ZNF385D: variants seen among roughly 807,000 people sequenced by gnomAD.
The protein encoded by ZNF385D is zinc finger protein 385D, also known as zinc finger protein 659.
ZNF385D carries 15 observed loss-of-function variants against 35.8 expected under a neutral mutation model. That is an observed-to-expected ratio of 0.42 (90% CI 0.28 to 0.64). ZNF385D has a LOEUF of 0.64. Ranked by LOEUF, ZNF385D falls within the 30% of genes least tolerant of loss-of-function variation. The pLI is 0.23. For missense variants in ZNF385D, 474 were observed against 494.6 expected (o/e 0.96, Z 0.39); for synonymous variants, 212 against 186.8 (o/e 1.13, Z -1.10).
At chr3:22,356,648 T>C (rs1295128153) in intron 2 of ZNF385D, among the ~76,000 whole-genome samples, 1 of 151,962 alleles carries the variant, frequency 6.6e-6, no homozygotes. Flanking sequence ...AGATAATACA[T>C]AGAATGCAAA....
At chr3:21,796,858 C>T (rs1185920554) in intron 3 of ZNF385D, among the ~76,000 whole-genome samples, 1 of 152,184 alleles carries the variant, frequency 6.6e-6, no homozygotes. Flanking sequence ...CCACAAGGCA[C>T]TGGTAACTTG....
intron 3 of ZNF385D, among the ~76,000 whole-genome samples, chr3:21,888,984 A>AAC (rs1269489812): frequency 2.6e-5 from 4 of 152,212 alleles, no homozygotes; most frequent in Non-Finnish European, 4.4e-5. Context: ...GTCTAGAGAT[A>AAC]CTCAGGAAAC....
At chr3:22,156,529 A>C (rs530286967) in intron 3 of ZNF385D, among the ~76,000 whole-genome samples, 1 of 152,226 alleles carries the variant, frequency 6.6e-6, no homozygotes, top group South Asian at 2.1e-4. Context: ...CAGTTCCTAA[A>C]ACATCGCTGA....
At chr3:21,471,293 T>A (rs1167534012) in intron 4 of ZNF385D, among the ~76,000 whole-genome samples, 468 of 29,954 alleles carry the variant, frequency 0.016, 2 homozygotes, top group Non-Finnish European at 0.029. Context: ...TCTCTCTCTC[T>A]CTCACACACA....
At chr3:21,514,574 C>A (rs1707441080) in intron 3 of ZNF385D, among the ~76,000 whole-genome samples, 1 of 152,018 alleles carries the variant, frequency 6.6e-6, no homozygotes, top group African/African-American at 2.4e-5. Context: ...GTCACAGCAA[C>A]TGGACTTAAG....
intron 2 of ZNF385D, among the ~76,000 whole-genome samples, chr3:22,322,741 G>T (rs1477529544): frequency 6.6e-6 from 1 of 151,986 alleles, no homozygotes; most frequent in African/African-American, 2.4e-5. Context: ...CTATTCCTCT[G>T]TATGTTTCTA....
At chr3:21,886,764 A>T (rs2125873893) in intron 3 of ZNF385D, among the ~76,000 whole-genome samples, 2 of 152,302 alleles carry the variant, frequency 1.3e-5, no homozygotes, top group South Asian at 2.1e-4. Context: ...CAAATACATG[A>T]TTAGCATTGA....
At chr3:21,675,065 C>T (rs773465511) in intron 1 of ZNF385D, among the ~76,000 whole-genome samples, 1 of 151,930 alleles carries the variant, frequency 6.6e-6, no homozygotes, top group Non-Finnish European at 1.5e-5. Flanking sequence ...ATTTACAAAC[C>T]AGCAGCTTCT....
At chr3:21,900,281 A>G (rs914310509) in intron 3 of ZNF385D, among the ~76,000 whole-genome samples, 1 of 152,158 alleles carries the variant, frequency 6.6e-6, no homozygotes, top group Non-Finnish European at 1.5e-5. Context: ...CTCTAGTTGG[A>G]TAACAGAGTC....
At chr3:21,752,017 C>CCA (rs2070124835), upstream of ZNF385D, among the ~76,000 whole-genome samples, 1 of 125,338 alleles carries the variant, frequency 8.0e-6, no homozygotes, top group African/African-American at 3.0e-5. Context: ...ACCCCCCTCC[C>CCA]CCCCCCACCA....
intron 3 of ZNF385D, among the ~76,000 whole-genome samples, chr3:21,997,138 C>G (rs1029530306): frequency 2.0e-5 from 3 of 151,846 alleles, no homozygotes; most frequent in African/African-American, 4.8e-5. Context: ...GAAAATATGG[C>G]ACATATAAAC....
chr3:21,913,451 C>T (rs1700060259), intron 3 of ZNF385D, among the ~76,000 whole-genome samples: 1 of 152,056 alleles, frequency 6.6e-6, no homozygotes, highest in African/African-American at 2.4e-5. Context: ...TACAAATTCA[C>T]TCGAAAGCAT....
chr3:22,338,430 T>C (rs1374898500), intron 2 of ZNF385D, among the ~76,000 whole-genome samples: 1 of 152,176 alleles, frequency 6.6e-6, no homozygotes, highest in South Asian at 2.1e-4. Flanking sequence ...AAGACCTATG[T>C]AGCTGTAGAT....
intron 3 of ZNF385D, among the ~76,000 whole-genome samples, chr3:22,115,753 C>T (rs1398208815): frequency 2.0e-5 from 3 of 152,018 alleles, no homozygotes; most frequent in Non-Finnish European, 4.4e-5. Context: ...AAAATATGTA[C>T]AGCTTTAGTC....
At chr3:21,746,139 G>A (rs1034422831) in intron 1 of ZNF385D, among the ~76,000 whole-genome samples, 5 of 152,124 alleles carry the variant, frequency 3.3e-5, no homozygotes, top group African/African-American at 7.2e-5. Context: ...CGAATCTTCC[G>A]GAATGGAAGT....
rs150512937 is a variant in ZNF385D, at chr3:21,994,290, A to C, written c.325+174527T>G. ...TTGGAGATATGATACAGGGAAAGTG[A>C]TAAGTTGAGATTATGCCAAAGTGTT... On this transcript the variant is annotated intron_variant, in intron 3 of 5. Transcript: ENST00000494108. Among the ~76,000 whole-genome samples, 71 of 152,336 alleles carry C rather than the reference A, an allele frequency of 4.7e-4. 1 individual carries two copies. Among genetic ancestry groups the C allele is most frequent in the African/African-American group, 1.7e-3 (69 of 41,590 alleles).
intron 2 of ZNF385D, among the ~76,000 whole-genome samples, chr3:22,329,308 T>C (rs1694827353): frequency 6.6e-6 from 1 of 152,148 alleles, no homozygotes; most frequent in Non-Finnish European, 1.5e-5. Flanking sequence ...TACAATATTT[T>C]TAGGTATATA....
chr3:21,708,620 A>G (rs1054458976), intron 1 of ZNF385D, among the ~76,000 whole-genome samples: 2 of 152,168 alleles, frequency 1.3e-5, no homozygotes, highest in African/African-American at 4.8e-5. Flanking sequence ...TTCACTCCTT[A>G]TCATTTTCTA....
chr3:22,255,277 C>CT (rs1330747812), intron 2 of ZNF385D, among the ~76,000 whole-genome samples: 2 of 151,320 alleles, frequency 1.3e-5, no homozygotes, highest in Non-Finnish European at 3.0e-5. Context: ...GTATTCCCCC[C>CT]CCCAAAATTG....
Sources: gnomAD v4.1 joint callset for allele counts (sites outside exome capture counted in the v4.1 genomes callset) on GRCh38, gnomAD v4.1.1 for gene constraint, MANE v1.5 for transcripts, NCBI Gene and HGNC (gene_info 2026-07-23, HGNC 2026-07-21) for gene names.